The following HS3ST1 variants were observed in gnomAD, a reference collection of about 807,000 sequenced individuals.
The protein encoded by HS3ST1 is heparan sulfate-glucosamine 3-sulfotransferase 1, also known as heparan sulfate glucosamine 3-O-sulfotransferase 1.
Under a neutral mutation model 20.7 loss-of-function variants are expected in HS3ST1, and 8 were observed. The observed-to-expected ratio is 0.39, with a 90% CI of 0.23 to 0.70. HS3ST1 has a LOEUF of 0.70. HS3ST1 is among the 30% of genes least tolerant of loss of function. The probability of loss-of-function intolerance (pLI) is 0.46; values close to 1 mark genes in which losing one functional copy is unlikely to be tolerated. For synonymous variants in HS3ST1, 205 were observed against 190.4 expected, an observed-to-expected ratio of 1.08 and a Z score of -0.63; for missense variants, 436 against 423.4, an observed-to-expected ratio of 1.03 and a Z score of -0.26.
At chr4:11,433,748 A>G (rs115498166), upstream of HS3ST1, among the ~76,000 whole-genome samples, 300 of 152,350 alleles carry the variant, frequency 2.0e-3, 1 homozygote, top group African/African-American at 6.8e-3. Context: ...CCTCCCATAT[A>G]GCAGCCTGTG....
chr4:11,404,211 A>C (rs1016745019), intron 1 of HS3ST1, among the ~76,000 whole-genome samples: 1 of 151,950 alleles, frequency 6.6e-6, no homozygotes, highest in Admixed American at 6.6e-5. Flanking sequence ...CAGCTGGCTA[A>C]TTTTTGTATT....
chr4:11,419,401 T>C (rs1718867659), intron 1 of HS3ST1, among the ~76,000 whole-genome samples: 1 of 152,154 alleles, frequency 6.6e-6, no homozygotes, highest in South Asian at 2.1e-4. Context: ...CACCGCATGT[T>C]CTCACTCCTA....
At chr4:11,424,860 C>CAAAAA in intron 1 of HS3ST1, among the ~76,000 whole-genome samples, 1 of 145,106 alleles carries the variant, frequency 6.9e-6, no homozygotes, top group Non-Finnish European at 1.5e-5. Flanking sequence ...CCATCTCCCA[C>CAAAAA]AAAAAAAAAA....
intron 1 of HS3ST1, among the ~76,000 whole-genome samples, chr4:11,404,278 G>C (rs938257357): frequency 7.9e-5 from 12 of 152,182 alleles, no homozygotes; most frequent in Non-Finnish European, 1.5e-4. Context: ...TCGAACTCCT[G>C]ACCTCAAGTG....
At chr4:11,420,156 C>T (rs1406930442) in intron 1 of HS3ST1, among the ~76,000 whole-genome samples, 2 of 152,172 alleles carry the variant, frequency 1.3e-5, no homozygotes, top group South Asian at 2.1e-4. Context: ...TGATATTACA[C>T]GCAACAGGAA....
At chr4:11,405,541 A>G (rs995688816) in intron 1 of HS3ST1, among the ~76,000 whole-genome samples, 3 of 152,194 alleles carry the variant, frequency 2.0e-5, no homozygotes, top group Non-Finnish European at 4.4e-5. Context: ...TATATAGCAC[A>G]TACTAGACAT....
chr4:11,404,963 G>T (rs1718425821), intron 1 of HS3ST1, among the ~76,000 whole-genome samples: 1 of 152,200 alleles, frequency 6.6e-6, no homozygotes, highest in African/African-American at 2.4e-5. Flanking sequence ...GAAAGTTAGA[G>T]GAGGTGAAAG....
upstream of HS3ST1, chr4:11,429,432 G>T (rs1395151875): frequency 6.6e-6 from 1 of 152,366 alleles, no homozygotes; most frequent in Non-Finnish European, 1.5e-5. Context: ...CACCTTAGGC[G>T]CTGGCGCTCC....
chr4:11,425,765 C>A (rs1043383566), intron 1 of HS3ST1, among the ~76,000 whole-genome samples: 1 of 152,182 alleles, frequency 6.6e-6, no homozygotes, highest in Non-Finnish European at 1.5e-5. Context: ...TTATAATAAT[C>A]TTTTCATCAC....
chr4:11,421,843 G>A (rs541299354), intron 1 of HS3ST1, among the ~76,000 whole-genome samples: 1 of 152,314 alleles, frequency 6.6e-6, no homozygotes, highest in African/African-American at 2.4e-5. Flanking sequence ...TTTGTCCCTG[G>A]ATCCGGAGTC....
chr4:11,431,877 C>T (rs1467323410), upstream of HS3ST1, among the ~76,000 whole-genome samples: 2 of 152,146 alleles, frequency 1.3e-5, no homozygotes, highest in East Asian at 1.9e-4. Context: ...TTTAGTGACT[C>T]GTTCAAGGTG....
rs1718223922 is a variant in HS3ST1, at chr4:11,398,991, A to G, written c.*91T>C. The G allele has an allele frequency of 4.4e-6, 5 of 1,131,010 alleles. No homozygotes were observed. Among genetic ancestry groups the G allele is most frequent in the Non-Finnish European group, 6.3e-6 (5 of 793,892 alleles). The allele number at this position is 1,131,010 out of a possible 1,614,324, so 70.1% of individuals were successfully genotyped here. A position where few individuals can be genotyped will look rare whatever the true frequency, so the allele number is the denominator to read the frequency against. ...ACTTTATGGATTTTACAAATAAATTATACCTTAAATGCTTTTTTAAAATTC... is the reference window on the plus strand; with the variant it reads ...ACTTTATGGATTTTACAAATAAATTGTACCTTAAATGCTTTTTTAAAATTC... On this transcript the variant is annotated 3_prime_UTR_variant, in exon 2 of 2. Coordinates refer to ENST00000002596, the MANE Select transcript of HS3ST1 (RefSeq NM_005114.4).
chr4:11,425,003 C>T (rs1191133365), intron 1 of HS3ST1, among the ~76,000 whole-genome samples: 1 of 152,156 alleles, frequency 6.6e-6, no homozygotes, highest in African/African-American at 2.4e-5. Flanking sequence ...TAAGAACAGA[C>T]AGGCCTGAAT....
rs373450683 is a variant in HS3ST1, at chr4:11,393,584, C to G, written c.*5498G>C. On this transcript the variant is annotated 3_prime_UTR_variant, in exon 2 of 2. Coordinates refer to ENST00000002596, the MANE Select transcript of HS3ST1 (RefSeq NM_005114.4). ...AACACATTTACTGAGAATAGGGTAGCAGAAGAAATGAGTAAGGTAATGTGG... is the reference window on the plus strand; with the variant it reads ...AACACATTTACTGAGAATAGGGTAGGAGAAGAAATGAGTAAGGTAATGTGG... 3.2e-4 allele frequency: 48 copies of G among 152,120 alleles called. No homozygotes were observed. The highest frequency in any genetic ancestry group is 9.2e-4 in the African/African-American group (38 of 41,412). 9.4% of individuals were successfully genotyped at this position (152,120 alleles called of 1,614,324 possible).
intron 1 of HS3ST1, among the ~76,000 whole-genome samples, chr4:11,425,187 C>G (rs1719030802): frequency 6.6e-6 from 1 of 152,176 alleles, no homozygotes; most frequent in Admixed American, 6.5e-5. Context: ...AAGTGCCAGG[C>G]AGGCACTGAG....
At chr4:11,420,597 C>T (rs16881642) in intron 1 of HS3ST1, among the ~76,000 whole-genome samples, 20,807 of 152,128 alleles carry the variant, frequency 0.14, 2,106 homozygotes, top group African/African-American at 0.28. Context: ...ACGAACACTA[C>T]GCTGGTGGCC....
At chr4:11,428,049 C>T (rs1272676257) in intron 1 of HS3ST1, among the ~76,000 whole-genome samples, 1 of 151,850 alleles carries the variant, frequency 6.6e-6, no homozygotes, top group Non-Finnish European at 1.5e-5. Context: ...CCCAAGGGCC[C>T]GGAAATAGAA....
upstream of HS3ST1, among the ~76,000 whole-genome samples, chr4:11,431,914 A>G (rs987343025): frequency 2.6e-5 from 4 of 152,176 alleles, no homozygotes; most frequent in African/African-American, 7.2e-5. Flanking sequence ...TAGGGCTGAT[A>G]TTCAAAGAGT....
At chr4:11,408,753 T>C (rs1336867342) in intron 1 of HS3ST1, among the ~76,000 whole-genome samples, 1 of 152,244 alleles carries the variant, frequency 6.6e-6, no homozygotes, top group Non-Finnish European at 1.5e-5. Context: ...GCTTCTCTTA[T>C]TACTCAGTGC....
Sources: gnomAD v4.1 joint callset for allele counts (sites outside exome capture counted in the v4.1 genomes callset) on GRCh38, gnomAD v4.1.1 for gene constraint, MANE v1.5 for transcripts, NCBI Gene and HGNC (gene_info 2026-07-23, HGNC 2026-07-21) for gene names.